SLC30A5: variants seen among roughly 807,000 people sequenced by gnomAD.
The protein encoded by SLC30A5 is proton-coupled zinc antiporter SLC30A5.
In SLC30A5, 33 loss-of-function variants were observed where a neutral mutation model predicts 79.6. The observed-to-expected ratio is 0.41, with a 90% CI of 0.31 to 0.55. The LOEUF (loss-of-function observed/expected upper bound fraction) is 0.55, where lower values mean the gene tolerates loss of function less well. SLC30A5 is among the 20% of genes least tolerant of loss of function. The pLI is 0.20. For missense variants in SLC30A5, 788 were observed against 928.1 expected (o/e 0.85, Z 1.96); for synonymous variants, 299 against 319.7 (o/e 0.94, Z 0.69).
At chr5:69,108,207 C>G (rs1746138265) in intron 4 of SLC30A5, 142 bp from the exon 5 acceptor site, 1 of 645,682 alleles carries the variant, frequency 1.5e-6, no homozygotes, top group South Asian at 2.0e-5. Context: ...AAACCATTTT[C>G]TAAAGCAGTT....
At chr5:69,096,773 GTAACACAGTGAGACCCC>G (rs1199861717) in intron 1 of SLC30A5, among the ~76,000 whole-genome samples, 1 of 152,036 alleles carries the variant, frequency 6.6e-6, no homozygotes, top group Non-Finnish European at 1.5e-5. Flanking sequence ...ACCAGCCCTA[GTAACACAGTGAGACCCC>G]TGTCTCTACA....
intron 4 of SLC30A5, among the ~76,000 whole-genome samples, chr5:69,107,393 C>G (rs578111328): frequency 6.6e-6 from 1 of 152,228 alleles, no homozygotes; most frequent in African/African-American, 2.4e-5. Context: ...TTTGACACCA[C>G]TATTTGAAGT....
At position 69,129,663 on chromosome 5, in the gene SLC30A5, T is replaced by TG; in HGVS notation, c.*47dup. On this transcript the variant is annotated 3_prime_UTR_variant, in exon 16 of 16. Transcript: ENST00000396591. ...TGGAGAATAAACAATGAAGATTAAA[T>TG]GACTCAGTATTTGTAATATTGCCAG... The TG allele has an allele frequency of 6.6e-7, 1 of 1,522,208 alleles. No homozygotes were observed. Among genetic ancestry groups the TG allele is most frequent in the Non-Finnish European group, 8.9e-7 (1 of 1,124,818 alleles). The allele number at this position is 1,522,208 out of a possible 1,614,324, so 94.3% of individuals were successfully genotyped here. A position where few individuals can be genotyped will look rare whatever the true frequency, so the allele number is the denominator to read the frequency against.
chr5:69,101,956 A>T lies in SLC30A5; in HGVS notation c.206+1027A>T, dbSNP rs557196948. On this transcript the variant is annotated intron_variant, in intron 2 of 15. Transcript: ENST00000396591. Reference sequence around the variant, plus strand: ...TGGGCAACAGAGCGAGACTCCATTTAAAAAAAAAAACAAAAACAACACTCT... The same window carrying T: ...TGGGCAACAGAGCGAGACTCCATTTTAAAAAAAAAACAAAAACAACACTCT... Among the ~76,000 whole-genome samples the T allele has an allele frequency of 2.6e-4, 38 of 144,026 alleles. No homozygotes were observed. The East Asian group carries it at 7.7e-3, about 29-fold the overall frequency. The allele number at this position is 144,026 out of a possible 152,430, so 94.5% of individuals were successfully genotyped here.
rs773656147 is a variant in SLC30A5, at chr5:69,094,267, A to G, written c.12A>G (p.Lys4=). Residue 4 remains lysine, a synonymous_variant, in exon 1 of 16, where the codon AAA becomes AAG. Coordinates refer to ENST00000396591, the MANE Select transcript of SLC30A5 (RefSeq NM_022902.5). ...TCGTGAGCCCCGGGATGGAGGAGAA[A>G]TACGGCGGGGACGTGCTGGCCGGCC... is the stretch of plus-strand genomic sequence containing the variant. MEE[K]YGGDVLAGPG... The G allele has an allele frequency of 4.6e-5, 58 of 1,258,308 alleles. No homozygotes were observed. Among genetic ancestry groups the G allele is most frequent in the Non-Finnish European group, 5.2e-5 (52 of 993,604 alleles). 77.9% of individuals were successfully genotyped at this position (1,258,308 alleles called of 1,614,324 possible). A position where few individuals can be genotyped will look rare whatever the true frequency, so the allele number is the denominator to read the frequency against.
chr5:69,095,527 A>G (rs1190296025), intron 1 of SLC30A5, among the ~76,000 whole-genome samples: 1 of 152,184 alleles, frequency 6.6e-6, no homozygotes, highest in Non-Finnish European at 1.5e-5. Context: ...TGAAAAGGGA[A>G]GAACACCACA....
chr5:69,104,230 C>G (rs893044617), intron 3 of SLC30A5: 1 of 663,140 alleles, frequency 1.5e-6, no homozygotes, highest in Admixed American at 4.4e-5. Flanking sequence ...CTCTGCCTCC[C>G]GGGTTCAAGC....
rs1745655648 is a variant in SLC30A5 at position 69,094,349 on chromosome 5, G to A, written c.83+11G>A. 3 of 1,246,020 alleles carry A rather than the reference G, an allele frequency of 2.4e-6. No homozygotes were observed. The highest frequency in any genetic ancestry group is 3.0e-6 in the Non-Finnish European group (3 of 987,982). 77.2% of individuals were successfully genotyped at this position (1,246,020 alleles called of 1,614,324 possible). ...CGTACCCAGCGCTCGGTAAGGGACC[G>A]ATCCGGAAGGCAGCGACCGGCCGGG... On this transcript the variant is annotated intron_variant, in intron 1 of 15. Coordinates refer to ENST00000396591, the MANE Select transcript of SLC30A5 (RefSeq NM_022902.5).
chr5:69,110,281 A>C (rs1465929428), intron 5 of SLC30A5, among the ~76,000 whole-genome samples: 1 of 152,140 alleles, frequency 6.6e-6, no homozygotes. Flanking sequence ...CTGATCTCCC[A>C]CACTTCCTGT....
At chr5:69,106,872 T>C (rs947392750) in intron 4 of SLC30A5, among the ~76,000 whole-genome samples, 1 of 146,896 alleles carries the variant, frequency 6.8e-6, no homozygotes, top group South Asian at 2.1e-4. Context: ...TTTTTTCAAC[T>C]TTTTTTTTTT....
intron 1 of SLC30A5, among the ~76,000 whole-genome samples, chr5:69,099,310 A>G (rs1240490226): frequency 1.3e-5 from 2 of 152,230 alleles, no homozygotes; most frequent in African/African-American, 4.8e-5. Flanking sequence ...ATTCTCTCTG[A>G]ATGCACACAC....
At chr5:69,095,732 A>T (rs867509033) in intron 1 of SLC30A5, among the ~76,000 whole-genome samples, 3 of 152,136 alleles carry the variant, frequency 2.0e-5, no homozygotes, top group East Asian at 1.9e-4. Context: ...GGGTCAATTG[A>T]CAAAACTGGA....
At chr5:69,123,669 G>T in intron 14 of SLC30A5, 1 of 386,262 alleles carries the variant, frequency 2.6e-6, no homozygotes, top group Non-Finnish European at 4.7e-6. Flanking sequence ...AGATTTTCTT[G>T]GATGAGAAGA....
chr5:69,115,135 GA>G (rs60614154), intron 7 of SLC30A5, 101 bp from the exon 8 acceptor site: 1,907 of 538,772 alleles, frequency 3.5e-3, no homozygotes, highest in South Asian at 9.8e-3. Flanking sequence ...TGTCTCTGGG[GA>G]AAAAAAAAAA....
chr5:69,099,832 T>C (rs1745858260), intron 1 of SLC30A5, among the ~76,000 whole-genome samples: 1 of 152,254 alleles, frequency 6.6e-6, no homozygotes, highest in Non-Finnish European at 1.5e-5. Context: ...AGAAAGCAGA[T>C]AACAAAATAG....
intron 12 of SLC30A5, 45 bp downstream of exon 12, chr5:69,118,673 A>G (rs745639835): frequency 2.7e-6 from 4 of 1,497,692 alleles, no homozygotes; most frequent in Middle Eastern, 2.0e-4. Flanking sequence ...TCATACTTAC[A>G]TAGTTTTTTC....
At chr5:69,104,523 A>C in intron 3 of SLC30A5, 108 bp from the exon 4 acceptor site, 1 of 1,398,750 alleles carries the variant, frequency 7.1e-7, no homozygotes, top group Non-Finnish European at 9.4e-7. Flanking sequence ...TAATGATTTC[A>C]CCTTTAAAAT....
chr5:69,123,619 T>A, intron 14 of SLC30A5, 194 bp downstream of exon 14: 1 of 536,314 alleles, frequency 1.9e-6, no homozygotes, highest in Non-Finnish European at 3.3e-6. Flanking sequence ...AAATACAGTT[T>A]TACTTAAAGG....
chr5:69,103,209 G>T lies in SLC30A5; in HGVS notation c.273+81G>T, dbSNP rs1745982727. ...AGGCAATGCTTATTTTTTATAATGG[G>T]TACTTAATGAATGATTTAAGTATGC... On this transcript the variant is annotated intron_variant, in intron 3 of 15. Coordinates refer to ENST00000396591, the MANE Select transcript of SLC30A5 (RefSeq NM_022902.5). 1.1e-5 allele frequency: 8 copies of T among 698,116 alleles called. No homozygotes were observed. The South Asian group carries it at 1.6e-4, about 14-fold the overall frequency. 43.2% of individuals were successfully genotyped at this position (698,116 alleles called of 1,614,324 possible).
Sources: gnomAD v4.1 joint callset for allele counts (sites outside exome capture counted in the v4.1 genomes callset) on GRCh38, gnomAD v4.1.1 for gene constraint, MANE v1.5 for transcripts, NCBI Gene and HGNC (gene_info 2026-07-23, HGNC 2026-07-21) for gene names.